Variants in GNAO1 observed in about 807,000 individuals in gnomAD.
The protein encoded by GNAO1 is guanine nucleotide-binding protein G(o) subunit alpha.
For missense variants in GNAO1, 166 were observed against 478.7 expected, an observed-to-expected ratio of 0.35 and a Z score of 6.10; for synonymous variants, 164 against 180.7, an observed-to-expected ratio of 0.91 and a Z score of 0.74.
At chr16:56,266,537 A>G (rs561082341) in intron 2 of GNAO1, among the ~76,000 whole-genome samples, 2 of 152,336 alleles carry the variant, frequency 1.3e-5, no homozygotes, top group East Asian at 3.9e-4. Context: ...CACCACATTC[A>G]GTTGAGTCAA....
chr16:56,272,960 G>A (rs1263034033), intron 2 of GNAO1, among the ~76,000 whole-genome samples: 1 of 152,144 alleles, frequency 6.6e-6, no homozygotes, highest in Non-Finnish European at 1.5e-5. Context: ...CACCACTCAG[G>A]TCACCCAAAG....
At chr16:56,329,448 G>C (rs867698166) in intron 4 of GNAO1, among the ~76,000 whole-genome samples, 3 of 152,146 alleles carry the variant, frequency 2.0e-5, no homozygotes, top group Non-Finnish European at 4.4e-5. Context: ...AGGTGCTCCC[G>C]GCTCTTCCCA....
chr16:56,356,247 T>C lies in GNAO1; in HGVS notation c.*173T>C, dbSNP rs755236839. ...CTGACGGCTGTGTATTTCTGTAGAA[T>C]GCTGTAGAATCCGGTTTTAGTTGAG... On this transcript the variant is annotated 3_prime_UTR_variant, in exon 9 of 9. Transcript: ENST00000262493. 1.3e-5 allele frequency: 2 copies of C among 152,668 alleles called. No homozygotes were observed. Among genetic ancestry groups the C allele is most frequent in the Non-Finnish European group, 2.9e-5 (2 of 68,046 alleles). 9.5% of individuals were successfully genotyped at this position (152,668 alleles called of 1,614,324 possible). A position where few individuals can be genotyped will look rare whatever the true frequency, so the allele number is the denominator to read the frequency against.
intron 3 of GNAO1, among the ~76,000 whole-genome samples, chr16:56,293,481 A>G (rs1280589915): frequency 6.6e-6 from 1 of 152,132 alleles, no homozygotes; most frequent in Non-Finnish European, 1.5e-5. Context: ...ATGAACATGC[A>G]TGACATCTCT....
intron 6 of GNAO1, chr16:56,344,637 G>T: frequency 1.0e-6 from 1 of 985,674 alleles, no homozygotes; most frequent in Non-Finnish European, 1.2e-6. Flanking sequence ...ATAGATGGTG[G>T]CGTGGAGCGG....
chr16:56,246,769 T>C (rs1195954714), intron 2 of GNAO1, among the ~76,000 whole-genome samples: 5 of 152,160 alleles, frequency 3.3e-5, no homozygotes, highest in African/African-American at 4.8e-5. Flanking sequence ...CTCCTGTCCC[T>C]CTTCCTCTCT....
intron 3 of GNAO1, among the ~76,000 whole-genome samples, chr16:56,283,018 T>G (rs867976992): frequency 2.6e-5 from 4 of 152,220 alleles, no homozygotes; most frequent in African/African-American, 9.6e-5. Flanking sequence ...ATGGGCATTT[T>G]CCATCTGGTG....
At chr16:56,295,007 T>C (rs1385435003) in intron 3 of GNAO1, among the ~76,000 whole-genome samples, 2 of 152,236 alleles carry the variant, frequency 1.3e-5, no homozygotes. Flanking sequence ...ATATCCCTGA[T>C]ACAAGTTCCT....
intron 2 of GNAO1, among the ~76,000 whole-genome samples, chr16:56,222,563 C>T (rs1375773514): frequency 6.6e-6 from 1 of 152,296 alleles, no homozygotes; most frequent in African/African-American, 2.4e-5. Context: ...CAAAAGCATA[C>T]AAGCTTGTCC....
At chr16:56,197,793 T>C (rs1292894171) in intron 2 of GNAO1, among the ~76,000 whole-genome samples, 1 of 152,202 alleles carries the variant, frequency 6.6e-6, no homozygotes, top group Admixed American at 6.5e-5. Flanking sequence ...CTGCTAAAGA[T>C]AGGACAAGAT....
rs549035457 is a variant in GNAO1, at chr16:56,347,381, C to T, written c.724-4003C>T. On this transcript the variant is annotated intron_variant, in intron 6 of 8. Coordinates refer to ENST00000262493, the MANE Select transcript of GNAO1 (RefSeq NM_020988.3). ...AGCCTAGAGCGCAGGATCCCAGCAGCCCAGGGAACAGGGCCGGCGTGTGAG... is the reference window on the plus strand; with the variant it reads ...AGCCTAGAGCGCAGGATCCCAGCAGTCCAGGGAACAGGGCCGGCGTGTGAG... 1.7e-5 allele frequency: 17 copies of T among 985,552 alleles called. No individual in the cohort carries two copies. In the East Asian group the frequency reaches 1.5e-3, roughly 86 times the overall value. 61.1% of individuals were successfully genotyped at this position (985,552 alleles called of 1,614,324 possible). A position where few individuals can be genotyped will look rare whatever the true frequency, so the allele number is the denominator to read the frequency against.
chr16:56,321,747 G>A (rs558432619), intron 3 of GNAO1, among the ~76,000 whole-genome samples: 5 of 152,306 alleles, frequency 3.3e-5, no homozygotes, highest in Non-Finnish European at 5.9e-5. Context: ...AGAGAGGAGC[G>A]GGCAGGCCTT....
At chr16:56,241,147 C>A (rs1183034175) in intron 2 of GNAO1, among the ~76,000 whole-genome samples, 1 of 152,248 alleles carries the variant, frequency 6.6e-6, no homozygotes, top group Non-Finnish European at 1.5e-5. Flanking sequence ...ACAGGCCTTA[C>A]AGCGCTCTGA....
intron 2 of GNAO1, among the ~76,000 whole-genome samples, chr16:56,225,895 G>A (rs771634094): frequency 6.6e-6 from 1 of 151,944 alleles, no homozygotes; most frequent in Non-Finnish European, 1.5e-5. Context: ...GGCAGGGAGA[G>A]CTTCCTGAAG....
At chr16:56,320,011 C>T (rs1411283898) in intron 3 of GNAO1, among the ~76,000 whole-genome samples, 1 of 152,140 alleles carries the variant, frequency 6.6e-6, no homozygotes, top group African/African-American at 2.4e-5. Flanking sequence ...TATCATTTAA[C>T]CAGAAAGATT....
At chr16:56,274,258 T>G (rs1222072414) in intron 2 of GNAO1, among the ~76,000 whole-genome samples, 5 of 152,246 alleles carry the variant, frequency 3.3e-5, no homozygotes, top group Admixed American at 2.6e-4. Flanking sequence ...TTGAAGATGC[T>G]TGTTTCACAT....
chr16:56,221,540 C>T (rs1473485778), intron 2 of GNAO1, among the ~76,000 whole-genome samples: 4 of 151,504 alleles, frequency 2.6e-5, no homozygotes, highest in Admixed American at 1.3e-4. Flanking sequence ...ATCCCAGCTA[C>T]TCAGGAGGCT....
intron 3 of GNAO1, among the ~76,000 whole-genome samples, chr16:56,300,032 TGTGTGCGCGC>T (rs2037327125): frequency 7.4e-6 from 1 of 134,892 alleles, no homozygotes; most frequent in South Asian, 2.3e-4. Flanking sequence ...TGTGTGTGTG[TGTGTGCGCGC>T]GCGCGCGCGC....
chr16:56,218,162 TC>T (rs1348813019), intron 2 of GNAO1, among the ~76,000 whole-genome samples: 1 of 152,234 alleles, frequency 6.6e-6, no homozygotes, highest in Non-Finnish European at 1.5e-5. Flanking sequence ...CTCTCAAATG[TC>T]CCACTGTAGC....
Sources: allele counts gnomAD v4.1 joint callset (sites outside exome capture counted in the v4.1 genomes callset), GRCh38; gene constraint gnomAD v4.1.1; transcripts MANE v1.5; gene names NCBI Gene and HGNC (gene_info 2026-07-23, HGNC 2026-07-21).